The following DENND4A variants were observed in gnomAD, a reference collection of about 807,000 sequenced individuals.
The protein encoded by DENND4A is C-myc promoter-binding protein.
A neutral mutation model predicts 199.3 loss-of-function variants in DENND4A; 70 were observed. The observed-to-expected ratio is 0.35, with a 90% confidence interval of 0.29 to 0.43. The LOEUF (loss-of-function observed/expected upper bound fraction) is 0.43. DENND4A is among the 20% of genes least tolerant of loss of function. The pLI is 1.00. For synonymous variants in DENND4A, 686 were observed against 766.9 expected (o/e 0.89, Z 1.74); for missense variants, 1,723 against 2,255.8 (o/e 0.76, Z 4.78).
intron 1 of DENND4A, among the ~76,000 whole-genome samples, chr15:65,777,035 G>C (rs1304657839): frequency 6.6e-6 from 1 of 152,094 alleles, no homozygotes; most frequent in Non-Finnish European, 1.5e-5. Context: ...AGCCATGGTG[G>C]CATGTGCCTG....
chr15:65,783,409 T>C (rs904256385), intron 1 of DENND4A, among the ~76,000 whole-genome samples: 5 of 152,228 alleles, frequency 3.3e-5, no homozygotes, highest in South Asian at 2.1e-4. Context: ...GTCATCAGTA[T>C]GAACTCATGT....
At chr15:65,676,347 T>C in intron 24 of DENND4A, 98 bp downstream of exon 24, 2 of 1,102,310 alleles carry the variant, frequency 1.8e-6, no homozygotes, top group Non-Finnish European at 2.5e-6. Context: ...TTTACAAAAT[T>C]AAAAAACAAC....
chr15:65,768,424 A>G (rs536699734), intron 1 of DENND4A, among the ~76,000 whole-genome samples: 1 of 152,286 alleles, frequency 6.6e-6, no homozygotes, highest in Non-Finnish European at 1.5e-5. Flanking sequence ...TCCATCACAA[A>G]CACCTCACAG....
intron 32 of DENND4A, among the ~76,000 whole-genome samples, chr15:65,663,080 C>G (rs1242503926): frequency 6.6e-6 from 1 of 151,520 alleles, no homozygotes. Flanking sequence ...TGGTTAAGTT[C>G]TGGCATCTTT....
intron 24 of DENND4A, among the ~76,000 whole-genome samples, chr15:65,672,509 T>C (rs766752348): frequency 2.0e-5 from 3 of 151,892 alleles, no homozygotes; most frequent in Non-Finnish European, 2.9e-5. Flanking sequence ...TGTGTGCTTA[T>C]AGTCACAGCT....
In DENND4A at chr15:65,764,972, CA is replaced by C. The variant is rs35902836; in HGVS notation, c.-101-3535del. ...GGGTGACAGAGCGAGACCCTGTCTC[CA>C]AAAAAAAAAAAAAAAAAAGTAACAT... On this transcript the variant is annotated intron_variant, in intron 1 of 32. Coordinates refer to ENST00000443035, the MANE Select transcript of DENND4A (RefSeq NM_001320835.1). 5.9e-3 allele frequency among the ~76,000 whole-genome samples: 563 copies of C among 95,868 alleles called. 2 individuals carry two copies. The highest frequency in any genetic ancestry group is 0.016 in the African/African-American group (422 of 25,848). 62.9% of individuals were successfully genotyped at this position (95,868 alleles called of 152,430 possible).
chr15:65,786,222 C>T (rs999233725), intron 1 of DENND4A, among the ~76,000 whole-genome samples: 4 of 152,104 alleles, frequency 2.6e-5, no homozygotes, highest in Non-Finnish European at 4.4e-5. Flanking sequence ...TGTATATATT[C>T]ATTCACTGGA....
chr15:65,758,449 GA>G (rs1326407548), intron 2 of DENND4A, among the ~76,000 whole-genome samples: 8 of 152,144 alleles, frequency 5.3e-5, no homozygotes, highest in Non-Finnish European at 1.0e-4. Flanking sequence ...ATGCAGCTGG[GA>G]CCACAGGTGT....
At chr15:65,683,286 G>C (rs2076644692) in intron 23 of DENND4A, among the ~76,000 whole-genome samples, 1 of 152,148 alleles carries the variant, frequency 6.6e-6, no homozygotes, top group African/African-American at 2.4e-5. Context: ...TCTTTTTCTA[G>C]ATCAGTCTAG....
At chr15:65,679,748 T>C (rs936405347) in intron 23 of DENND4A, among the ~76,000 whole-genome samples, 1 of 152,000 alleles carries the variant, frequency 6.6e-6, no homozygotes, top group African/African-American at 2.4e-5. Flanking sequence ...AGGCTAGTCT[T>C]GAACTCAGAC....
At chr15:65,681,797 AG>A (rs1327780414) in intron 23 of DENND4A, among the ~76,000 whole-genome samples, 1 of 152,066 alleles carries the variant, frequency 6.6e-6, no homozygotes, top group East Asian at 1.9e-4. Context: ...CAAATTTCTG[AG>A]CTCAAGGGAT....
intron 11 of DENND4A, among the ~76,000 whole-genome samples, chr15:65,724,380 CGTT>C (rs1317262530): frequency 3.1e-5 from 3 of 97,834 alleles, no homozygotes; most frequent in African/African-American, 6.8e-5. Flanking sequence ...TTTTTTGAAT[CGTT>C]TTTTTTTTTT....
Position 65,676,509 on chromosome 15 carries a change from A to G in DENND4A, c.4305T>C (p.Ala1435=), listed in dbSNP as rs1242519513. The part of the protein sequence containing the change: ...EGPISSQETS[A]TSGTKRIDLS... ...GATCAATTCTCTTAGTCCCTGAAGT[A>G]GCACTGGTCTCTTGAGAGGAGATAG... The change falls in exon 24 of 33, where the codon GCT becomes GCC. Residue 1435 remains alanine, a synonymous_variant. Coordinates refer to ENST00000443035, the MANE Select transcript of DENND4A (RefSeq NM_001320835.1). 1 of 1,613,672 alleles carries G rather than the reference A, an allele frequency of 6.2e-7. No individual in the cohort carries two copies. Among genetic ancestry groups the G allele is most frequent in the Non-Finnish European group, 8.5e-7 (1 of 1,179,722 alleles).
intron 11 of DENND4A, among the ~76,000 whole-genome samples, chr15:65,725,254 T>G (rs1425133383): frequency 6.6e-6 from 1 of 152,162 alleles, no homozygotes; most frequent in Non-Finnish European, 1.5e-5. Context: ...CAATAATTAG[T>G]GGTAGAAGCA....
chr15:65,715,577 C>T lies in DENND4A; in HGVS notation c.1854G>A (p.Met618Ile), dbSNP rs767352042. ...RDRSHQKFYN[M>I]MTKTQMFIRF... is the part of the protein sequence containing the mutation. The stretch of plus-strand genomic sequence containing the variant: ...GAATAAACATTTGTGTTTTGGTCAT[C>T]ATGTTATAGAATTTTTGATGTGACC... The change falls in exon 14 of 33, where the codon ATG becomes ATA. Residue 618 changes from methionine (M) to isoleucine (I), a missense_variant. Met to Ile is a conservative substitution (Grantham distance 10, BLOSUM62 1). Around this residue, in one of 6 missense-constraint regions of DENND4A, gnomAD observed 725 missense variants for 952.9 expected, o/e 0.76. Transcript: ENST00000443035. 1 of 1,597,214 alleles carries T rather than the reference C, an allele frequency of 6.3e-7. No homozygotes were observed. Among genetic ancestry groups the T allele is most frequent in the Non-Finnish European group, 8.5e-7 (1 of 1,172,110 alleles).
chr15:65,769,189 T>C (rs2077062690), intron 1 of DENND4A, among the ~76,000 whole-genome samples: 1 of 132,060 alleles, frequency 7.6e-6, no homozygotes, highest in Admixed American at 8.1e-5. Context: ...ATTCCTAGCA[T>C]ATAAGGTATA....
intron 31 of DENND4A, 25 bp downstream of exon 31, chr15:65,664,535 A>C (rs770072745): frequency 6.9e-6 from 11 of 1,601,038 alleles, no homozygotes; most frequent in Non-Finnish European, 8.5e-6. Context: ...GGAGAACAAT[A>C]TATTCGTCTA....
At chr15:65,760,625 A>G (rs894052543) in intron 2 of DENND4A, among the ~76,000 whole-genome samples, 7 of 152,188 alleles carry the variant, frequency 4.6e-5, no homozygotes, top group Non-Finnish European at 1.0e-4. Flanking sequence ...AGAGTGGCTC[A>G]TGCCTATAAT....
chr15:65,702,172 G>C (rs1317598998), intron 17 of DENND4A, 133 bp downstream of exon 17: 1 of 812,870 alleles, frequency 1.2e-6, no homozygotes, highest in Admixed American at 2.6e-5. Context: ...GCTAAAATGG[G>C]AGGATTGCAT....
Sources: allele counts gnomAD v4.1 joint callset (sites outside exome capture counted in the v4.1 genomes callset), GRCh38; gene constraint gnomAD v4.1.1; regional missense constraint gnomAD v4.1.1; transcripts MANE v1.5; gene names NCBI Gene and HGNC (gene_info 2026-07-23, HGNC 2026-07-21).